BCAS3: variants seen among roughly 807,000 people sequenced by gnomAD.
The protein encoded by BCAS3 is BCAS4/BCAS3 fusion.
A neutral mutation model predicts 116.1 loss-of-function variants in BCAS3; 53 were observed. The observed-to-expected ratio is 0.46, with a 90% CI of 0.37 to 0.57. BCAS3 has a LOEUF of 0.57. Ranked by LOEUF, BCAS3 falls within the 20% of genes least tolerant of loss-of-function variation. The pLI, the probability that BCAS3 is intolerant of heterozygous loss-of-function variation, is 0.00. For missense variants in BCAS3, 917 were observed against 1,165.4 expected, an observed-to-expected ratio of 0.79 and a Z score of 3.10; for synonymous variants, 391 against 408.2, an observed-to-expected ratio of 0.96 and a Z score of 0.51.
intron 22 of BCAS3, among the ~76,000 whole-genome samples, chr17:61,262,047 A>G (rs762023388): frequency 7.9e-5 from 12 of 152,208 alleles, no homozygotes; most frequent in Non-Finnish European, 1.8e-4. Context: ...GATTAGAGGA[A>G]TAAGAATTGG....
Position 61,077,950 on chromosome 17 carries a change from A to G in BCAS3, c.2131-383A>G, listed in dbSNP as rs907427358. 6.6e-6 allele frequency among the ~76,000 whole-genome samples: 1 copy of G among 152,168 alleles called. No homozygotes were observed. The highest frequency in any genetic ancestry group is 6.5e-5 in the Admixed American group (1 of 15,276). On this transcript the variant is annotated intron_variant, in intron 20 of 23. Transcript: ENST00000407086. This position sits in a 1 kb window ranked among gnomAD's most constrained non-coding sequence, Gnocchi z 4.3. ...GTGTAGTATTCAGTGCATGCCCACAACATGGTAAGTACTGTCTAGAATGAA... is the reference window on the plus strand; with the variant it reads ...GTGTAGTATTCAGTGCATGCCCACAGCATGGTAAGTACTGTCTAGAATGAA...
intron 22 of BCAS3, among the ~76,000 whole-genome samples, chr17:61,108,560 T>A (rs1447256833): frequency 6.6e-6 from 1 of 151,930 alleles, no homozygotes; most frequent in Non-Finnish European, 1.5e-5. Flanking sequence ...TTCCTGTAGG[T>A]TATGGAACAT....
chr17:61,084,235 A>G lies in BCAS3; in HGVS notation c.2328-232A>G, dbSNP rs532221030. Among the ~76,000 whole-genome samples the G allele has an allele frequency of 6.6e-6, 1 of 152,276 alleles. No individual in the cohort carries two copies. The highest frequency in any genetic ancestry group is 2.1e-4 in the South Asian group (1 of 4,830). On this transcript the variant is annotated intron_variant, in intron 21 of 23. Transcript: ENST00000407086. This position sits in a 1 kb window ranked among gnomAD's most constrained non-coding sequence, Gnocchi z 5.5. ...TTTTCAGTCCCTTCCTTAAAAATCT[A>G]TGGAATAACACACAAAGATAAGTTA... is the stretch of plus-strand genomic sequence containing the variant.
In BCAS3 at chr17:61,088,707, C is replaced by T. The variant is rs1256078372; in HGVS notation, c.2425+4143C>T. 6.6e-6 allele frequency among the ~76,000 whole-genome samples: 1 copy of T among 152,210 alleles called. No individual in the cohort carries two copies. Among genetic ancestry groups the T allele is most frequent in the Non-Finnish European group, 1.5e-5 (1 of 68,040 alleles). ...GAGCCTAGAAAGATCTGGTTCACCC[C>T]TGAGTTTGTTTGTCCTGATTTGTGG... is the stretch of plus-strand genomic sequence containing the variant. On this transcript the variant is annotated intron_variant, in intron 22 of 23. Transcript: ENST00000407086. The surrounding 1 kb of genome is among the most constrained non-coding windows in gnomAD (Gnocchi z 4.2).
rs1908257979 is a variant in BCAS3, at chr17:61,352,794, A to G, written c.2426-15533A>G. On this transcript the variant is annotated intron_variant, in intron 22 of 23. Coordinates refer to ENST00000407086, the MANE Select transcript of BCAS3 (RefSeq NM_017679.5). This position sits in a 1 kb window ranked among gnomAD's most constrained non-coding sequence, Gnocchi z 4.7. ...CTCTAGGCAGTAAGGCCTGTAAGAG[A>G]AAAGGGCAGAGATGGACCCAAGTCT... is the stretch of plus-strand genomic sequence containing the variant. Among the ~76,000 whole-genome samples, 1 of 152,192 alleles carries G rather than the reference A, an allele frequency of 6.6e-6. No homozygotes were observed. The highest frequency in any genetic ancestry group is 6.5e-5 in the Admixed American group (1 of 15,286).
At position 61,348,186 on chromosome 17, in the gene BCAS3, G is replaced by T. The variant is rs962763736; in HGVS notation, c.2426-20141G>T. On this transcript the variant is annotated intron_variant, in intron 22 of 23. Transcript: ENST00000407086. This position sits in a 1 kb window ranked among gnomAD's most constrained non-coding sequence, Gnocchi z 4.5. The stretch of plus-strand genomic sequence containing the variant: ...AGGGCTTGGGAAGTAAAATCCACAG[G>T]ACTTACTGGTCAGCTGGATGGACGG... Among the ~76,000 whole-genome samples, 5 of 152,182 alleles carry T rather than the reference G, an allele frequency of 3.3e-5. No homozygotes were observed. Among genetic ancestry groups the T allele is most frequent in the African/African-American group, 1.2e-4 (5 of 41,428 alleles).
In BCAS3 at chr17:61,228,267, T is replaced by C. The variant is rs1387178241; in HGVS notation, c.2426-140060T>C. 1.3e-5 allele frequency among the ~76,000 whole-genome samples: 2 copies of C among 152,170 alleles called. No homozygotes were observed. The highest frequency in any genetic ancestry group is 3.9e-4 in the East Asian group (2 of 5,188). On this transcript the variant is annotated intron_variant, in intron 22 of 23. Transcript: ENST00000407086. The surrounding 1 kb of genome is among the most constrained non-coding windows in gnomAD (Gnocchi z 5.0). ...ATTCTCCTAAGCCCCAGCTGAGAAATTATGAAGGCGACTATAGACACATCA... is the reference window on the plus strand; with the variant it reads ...ATTCTCCTAAGCCCCAGCTGAGAAACTATGAAGGCGACTATAGACACATCA...
Position 61,339,265 on chromosome 17 carries a change from C to T in BCAS3, c.2426-29062C>T, listed in dbSNP as rs964872627. On this transcript the variant is annotated intron_variant, in intron 22 of 23. Transcript: ENST00000407086. The surrounding 1 kb of genome is among the most constrained non-coding windows in gnomAD (Gnocchi z 4.4). ...CTCCCTGCCCCTAGTGCCCACCTCT[C>T]CTTCATCCCAGGTCACACCCAAAAG... 6.6e-6 allele frequency among the ~76,000 whole-genome samples: 1 copy of T among 152,194 alleles called. No individual in the cohort carries two copies. The highest frequency in any genetic ancestry group is 1.5e-5 in the Non-Finnish European group (1 of 68,040).
chr17:60,952,629 A>G (rs1298896427), intron 14 of BCAS3, among the ~76,000 whole-genome samples: 1 of 152,062 alleles, frequency 6.6e-6, no homozygotes, highest in Non-Finnish European at 1.5e-5. Context: ...CTAAACTTTT[A>G]TTTTAAGTTC....
At chr17:60,844,541 G>C (rs1420325824) in intron 7 of BCAS3, among the ~76,000 whole-genome samples, 1 of 152,204 alleles carries the variant, frequency 6.6e-6, no homozygotes, top group Non-Finnish European at 1.5e-5. Context: ...GCTGTGGTCT[G>C]TCTCTGTAGA....
intron 22 of BCAS3, among the ~76,000 whole-genome samples, chr17:61,225,764 AT>A (rs1301057557): frequency 6.6e-6 from 1 of 152,110 alleles, no homozygotes; most frequent in Non-Finnish European, 1.5e-5. Context: ...GGTGTCTTGT[AT>A]TTGATGCACG....
chr17:60,973,792 A>G (rs936162693), intron 14 of BCAS3, among the ~76,000 whole-genome samples: 25 of 151,998 alleles, frequency 1.6e-4, no homozygotes, highest in African/African-American at 4.3e-4. Context: ...GGGTCTCACC[A>G]TGTTGGCCAG....
In BCAS3 at chr17:61,063,831, A is replaced by G. The variant is rs1223152080; in HGVS notation, c.2030-11089A>G. ...CACAAAGAAGATGAATTTTTTTCCT[A>G]TCAAATTGATATGGATGGCCTGGCC... On this transcript the variant is annotated intron_variant, in intron 19 of 23. Coordinates refer to ENST00000407086, the MANE Select transcript of BCAS3 (RefSeq NM_017679.5). This position sits in a 1 kb window ranked among gnomAD's most constrained non-coding sequence, Gnocchi z 5.3. Among the ~76,000 whole-genome samples the G allele has an allele frequency of 1.3e-5, 2 of 152,146 alleles. No individual in the cohort carries two copies. The highest frequency in any genetic ancestry group is 4.8e-5 in the African/African-American group (2 of 41,412).
chr17:60,765,328 C>G (rs1406932867), intron 6 of BCAS3, among the ~76,000 whole-genome samples: 1 of 152,144 alleles, frequency 6.6e-6, no homozygotes, highest in Non-Finnish European at 1.5e-5. Context: ...GTGGCTGGTA[C>G]CGGTTGTTCC....
At chr17:61,093,669 A>C (rs555994357) in intron 22 of BCAS3, among the ~76,000 whole-genome samples, 1 of 152,222 alleles carries the variant, frequency 6.6e-6, no homozygotes, top group Non-Finnish European at 1.5e-5. Context: ...ATTGTTTATC[A>C]AAAAGATACG....
At chr17:60,850,351 T>G (rs1458332540) in intron 7 of BCAS3, among the ~76,000 whole-genome samples, 7 of 135,396 alleles carry the variant, frequency 5.2e-5, no homozygotes, top group African/African-American at 1.4e-4. Flanking sequence ...CACTGTTTTT[T>G]TTTTTTTTTT....
chr17:60,881,140 A>G (rs528270922), intron 9 of BCAS3, among the ~76,000 whole-genome samples: 16 of 151,908 alleles, frequency 1.1e-4, no homozygotes, highest in Non-Finnish European at 2.1e-4. Flanking sequence ...ACACCCTGCT[A>G]ATTTTTTGTA....
intron 22 of BCAS3, among the ~76,000 whole-genome samples, chr17:61,172,840 T>C (rs946379254): frequency 6.6e-6 from 1 of 150,946 alleles, no homozygotes; most frequent in Admixed American, 6.6e-5. Flanking sequence ...AAAAGAAAAT[T>C]AGCCGGGCGT....
chr17:61,047,303 AGAT>A (rs1169660374), intron 19 of BCAS3, among the ~76,000 whole-genome samples: 1 of 152,060 alleles, frequency 6.6e-6, no homozygotes, highest in Non-Finnish European at 1.5e-5. Flanking sequence ...GTAGAGGCAC[AGAT>A]GACTTCTCTG....
Sources: gnomAD v4.1 joint callset for allele counts (sites outside exome capture counted in the v4.1 genomes callset) on GRCh38, gnomAD v4.1.1 for gene constraint, Gnocchi (gnomAD v3.1) non-coding constraint, MANE v1.5 for transcripts, NCBI Gene and HGNC (gene_info 2026-07-23, HGNC 2026-07-21) for gene names.